The following BAIAP2 variants were observed in gnomAD, a reference collection of about 807,000 sequenced individuals.
The protein encoded by BAIAP2 is BAR/IMD domain-containing adapter protein 2.
A neutral mutation model predicts 63.0 loss-of-function variants in BAIAP2; 18 were observed. That is an observed-to-expected ratio of 0.29 (90% CI 0.20 to 0.42). The LOEUF is 0.42. Ranked by LOEUF, BAIAP2 falls within the 10% of genes least tolerant of loss-of-function variation. The pLI is 1.00. For synonymous variants in BAIAP2, 386 were observed against 307.6 expected (o/e 1.25, Z -2.67); for missense variants, 610 against 734.3 (o/e 0.83, Z 1.96).
chr17:81,047,371 G>T (rs577914901), intron 1 of BAIAP2, among the ~76,000 whole-genome samples: 1 of 152,200 alleles, frequency 6.6e-6, no homozygotes, highest in Non-Finnish European at 1.5e-5. Context: ...GAGGATTAGG[G>T]TGATGAGGGT....
intron 4 of BAIAP2, 58 bp downstream of exon 4, chr17:81,084,951 C>T (rs531317082): frequency 1.2e-5 from 18 of 1,554,290 alleles, no homozygotes; most frequent in South Asian, 4.4e-5. Context: ...GGAGAGCTGG[C>T]GCCACACCTT....
chr17:81,041,443 G>A (rs2047059353), intron 1 of BAIAP2, among the ~76,000 whole-genome samples: 2 of 152,234 alleles, frequency 1.3e-5, no homozygotes, highest in African/African-American at 4.8e-5. Context: ...CTTGTTGGGG[G>A]AAAGGCTGTC....
chr17:81,116,723 T>C lies in BAIAP2; in HGVS notation c.*884T>C. 1 of 235,792 alleles carries C rather than the reference T, an allele frequency of 4.2e-6. No homozygotes were observed. Among genetic ancestry groups the C allele is most frequent in the Non-Finnish European group, 8.6e-6 (1 of 116,106 alleles). 14.6% of individuals were successfully genotyped at this position (235,792 alleles called of 1,614,324 possible). A position where few individuals can be genotyped will look rare whatever the true frequency, so the allele number is the denominator to read the frequency against. On this transcript the variant is annotated 3_prime_UTR_variant, in exon 14 of 14. Coordinates refer to ENST00000428708, the MANE Select transcript of BAIAP2 (RefSeq NM_001144888.2). ...GGGTTTTAAAACTTCATTAGCAGAT[T>C]TGTGCTCTTCCATACTGTTTGTTTG... is the stretch of plus-strand genomic sequence containing the variant.
At chr17:81,070,004 C>G (rs978310865) in intron 3 of BAIAP2, among the ~76,000 whole-genome samples, 1 of 152,142 alleles carries the variant, frequency 6.6e-6, no homozygotes, top group South Asian at 2.1e-4. Context: ...CTCTGTCACT[C>G]AGGCTAGAGT....
At chr17:81,115,335 C>T (rs548028735) in intron 13 of BAIAP2, among the ~76,000 whole-genome samples, 6 of 152,356 alleles carry the variant, frequency 3.9e-5, no homozygotes, top group Admixed American at 1.3e-4. Flanking sequence ...GGACGCTCTG[C>T]CACGCTGTGT....
rs749051367 is a variant in BAIAP2, at chr17:81,074,740, G to A, written c.218-10092G>A. ...TGCGTCTGTGTGCGTGCACAGATGC[G>A]TGTGAGTGCCTGTGTGTGTGCACGG... On this transcript the variant is annotated intron_variant, in intron 3 of 13. Transcript: ENST00000428708. Among the ~76,000 whole-genome samples the A allele has an allele frequency of 6.0e-4, 90 of 151,070 alleles. 1 individual carries two copies. In the Middle Eastern group the frequency reaches 0.024, roughly 41 times the overall value.
At chr17:81,045,180 G>C (rs1377184619) in intron 1 of BAIAP2, among the ~76,000 whole-genome samples, 1 of 152,344 alleles carries the variant, frequency 6.6e-6, no homozygotes, top group South Asian at 2.1e-4. Flanking sequence ...TCGTTCAGGA[G>C]GGCTCAGACT....
intron 3 of BAIAP2, among the ~76,000 whole-genome samples, chr17:81,063,044 G>A (rs1173139152): frequency 2.0e-5 from 3 of 152,014 alleles, no homozygotes; most frequent in African/African-American, 7.3e-5. Context: ...CCATGATTGA[G>A]AGTGGTGTGC....
In BAIAP2 at chr17:81,106,149, G is replaced by A. The variant is rs1352128533; in HGVS notation, c.1337+3G>A. The A allele has an allele frequency of 1.9e-6, 3 of 1,577,044 alleles. No individual in the cohort carries two copies. Among genetic ancestry groups the A allele is most frequent in the East Asian group, 2.3e-5 (1 of 43,364 alleles). Reference sequence around the variant, plus strand: ...GGCAGTGACAGGCTGCACATGAGGTGAGCTCTGGGCCCAACGGGAGTGTAA... The same window carrying A: ...GGCAGTGACAGGCTGCACATGAGGTAAGCTCTGGGCCCAACGGGAGTGTAA... On this transcript the variant is annotated splice_donor_region_variant and intron_variant, in intron 11 of 13. Coordinates refer to ENST00000428708, the MANE Select transcript of BAIAP2 (RefSeq NM_001144888.2).
chr17:81,079,985 C>T (rs367623071), intron 3 of BAIAP2, among the ~76,000 whole-genome samples: 3 of 152,184 alleles, frequency 2.0e-5, no homozygotes, highest in Non-Finnish European at 4.4e-5. Context: ...GGCCTCACGT[C>T]TCACCCCAAG....
chr17:81,102,771 G>A (rs1371673425), intron 7 of BAIAP2, among the ~76,000 whole-genome samples: 3 of 152,186 alleles, frequency 2.0e-5, no homozygotes, highest in Admixed American at 6.5e-5. Flanking sequence ...CCCCAGAGGT[G>A]CCAGAGACAT....
intron 13 of BAIAP2, chr17:81,109,580 G>T (rs973391292): frequency 5.1e-6 from 5 of 985,248 alleles, no homozygotes; most frequent in African/African-American, 1.7e-5. Flanking sequence ...ACAGAGAAAG[G>T]GGGCTCGTGC....
intron 1 of BAIAP2, among the ~76,000 whole-genome samples, chr17:81,052,009 T>C (rs2048748830): frequency 6.6e-6 from 1 of 152,218 alleles, no homozygotes; most frequent in Middle Eastern, 3.2e-3. Flanking sequence ...CTCTTAAATG[T>C]AGCTGGCCCA....
intron 7 of BAIAP2, among the ~76,000 whole-genome samples, chr17:81,102,910 T>C (rs1216701756): frequency 1.3e-5 from 2 of 152,192 alleles, no homozygotes; most frequent in East Asian, 3.9e-4. Flanking sequence ...CCCGGCCGGC[T>C]CCCAGTCCCA....
intron 3 of BAIAP2, among the ~76,000 whole-genome samples, chr17:81,075,417 T>C (rs1036439185): frequency 6.6e-6 from 1 of 152,208 alleles, no homozygotes; most frequent in East Asian, 1.9e-4. Flanking sequence ...TGTGAAGCGA[T>C]CGGAAGGAGC....
At chr17:81,097,801 C>A (rs1024463099) in intron 6 of BAIAP2, 1 of 270,548 alleles carries the variant, frequency 3.7e-6, no homozygotes, top group Admixed American at 5.4e-5. Context: ...CCTGCGGCCT[C>A]CCAGGAGGGG....
intron 13 of BAIAP2, chr17:81,110,361 A>G: frequency 2.0e-6 from 2 of 986,560 alleles, no homozygotes; most frequent in Non-Finnish European, 2.4e-6. Context: ...TTCCATGCTC[A>G]ATGGATGAAT....
chr17:81,040,390 G>A (rs1053698427), intron 1 of BAIAP2, among the ~76,000 whole-genome samples: 7 of 152,242 alleles, frequency 4.6e-5, no homozygotes, highest in Non-Finnish European at 8.8e-5. Flanking sequence ...GGCCTCCAAC[G>A]CACTTCCACC....
chr17:81,115,669 C>G (rs953942259), intron 13 of BAIAP2, 101 bp from the exon 14 acceptor site: 14 of 1,374,208 alleles, frequency 1.0e-5, no homozygotes, highest in Non-Finnish European at 1.0e-5. Flanking sequence ...GGACCGTAGG[C>G]ATCCAGCACT....
Sources: allele counts gnomAD v4.1 joint callset (sites outside exome capture counted in the v4.1 genomes callset), GRCh38; gene constraint gnomAD v4.1.1; transcripts MANE v1.5; gene names NCBI Gene and HGNC (gene_info 2026-07-23, HGNC 2026-07-21).